Variants in CCDC7 observed in about 807,000 individuals in gnomAD.
The protein encoded by CCDC7 is coiled-coil domain-containing protein 7.
A neutral mutation model predicts 196.9 loss-of-function variants in CCDC7; 183 were observed. The ratio of observed to expected loss-of-function variants is 0.93; its 90% CI spans 0.82 to 1.05. The LOEUF is 1.05. Among genes scored for constraint, CCDC7 ranks in the 50% least tolerant of loss-of-function variants. The pLI is 0.00. For missense variants in CCDC7, 1,540 were observed against 1,482.2 expected, an observed-to-expected ratio of 1.04 and a Z score of -0.64; for synonymous variants, 525 against 484.6, an observed-to-expected ratio of 1.08 and a Z score of -1.10.
intron 3 of CCDC7, among the ~76,000 whole-genome samples, chr10:32,457,877 T>C (rs1326070925): frequency 6.6e-6 from 1 of 152,144 alleles, no homozygotes; most frequent in East Asian, 1.9e-4. Flanking sequence ...AAATCAGTTT[T>C]TTTTTGCCAT....
intron 20 of CCDC7, among the ~76,000 whole-genome samples, chr10:32,663,281 A>G (rs1490403534): frequency 4.6e-5 from 7 of 152,200 alleles, no homozygotes; most frequent in African/African-American, 1.2e-4. Context: ...TTCATCACAC[A>G]TGGAAAAATG....
chr10:32,634,999 T>C lies in CCDC7; in HGVS notation c.1913-58T>C, dbSNP rs532627714. 5.8e-5 allele frequency: 23 copies of C among 397,614 alleles called. No homozygotes were observed. In the Admixed American group the frequency reaches 7.9e-4, roughly 14 times the overall value. 24.6% of individuals were successfully genotyped at this position (397,614 alleles called of 1,614,324 possible). On this transcript the variant is annotated intron_variant, in intron 19 of 41. Coordinates refer to ENST00000639629, the Ensembl canonical transcript of CCDC7. ...TTAATTTTACACAAATGAGAGGAAGTATTGCTGATTACTTGACATATACAG... is the reference window on the plus strand; with the variant it reads ...TTAATTTTACACAAATGAGAGGAAGCATTGCTGATTACTTGACATATACAG...
chr10:32,508,629 A>ATT (rs937657234), intron 9 of CCDC7, among the ~76,000 whole-genome samples: 1 of 148,388 alleles, frequency 6.7e-6, no homozygotes, highest in African/African-American at 2.5e-5. Context: ...TTACTTTCTT[A>ATT]TTTTTTTTTT....
At chr10:32,482,366 TC>T (rs1384121323) in intron 8 of CCDC7, among the ~76,000 whole-genome samples, 1 of 148,720 alleles carries the variant, frequency 6.7e-6, no homozygotes, top group African/African-American at 2.4e-5. Flanking sequence ...ATTCTTTTTT[TC>T]CTAACTGTAT....
At chr10:32,698,949 GGAGA>G (rs1320316755) in intron 24 of CCDC7, among the ~76,000 whole-genome samples, 2 of 152,132 alleles carry the variant, frequency 1.3e-5, no homozygotes, top group Non-Finnish European at 2.9e-5. Context: ...AAGGGCAGCT[GGAGA>G]GAAAGTTCGG....
At chr10:32,850,895 A>G (rs2093538775) in intron 39 of CCDC7, among the ~76,000 whole-genome samples, 1 of 152,028 alleles carries the variant, frequency 6.6e-6, no homozygotes, top group African/African-American at 2.4e-5. Context: ...GCAGGGAGAA[A>G]CGAAGGCAAA....
intron 9 of CCDC7, chr10:32,511,820 G>T: frequency 1.1e-6 from 1 of 925,390 alleles, no homozygotes; most frequent in Non-Finnish European, 1.7e-6. Context: ...CGCCAGCTCT[G>T]CCCGCGCCAC....
chr10:32,739,771 C>T (rs2085502111), intron 28 of CCDC7, among the ~76,000 whole-genome samples: 1 of 151,566 alleles, frequency 6.6e-6, no homozygotes, highest in African/African-American at 2.4e-5. Context: ...AATATGGTTA[C>T]CTAGCTAGCA....
intron 28 of CCDC7, among the ~76,000 whole-genome samples, chr10:32,771,996 G>A (rs2079234772): frequency 6.6e-6 from 1 of 152,186 alleles, no homozygotes; most frequent in Non-Finnish European, 1.5e-5. Context: ...CCAGGGTGGG[G>A]TACTCTGATT....
At chr10:32,556,550 A>G (rs2054380801) in intron 13 of CCDC7, among the ~76,000 whole-genome samples, 1 of 152,190 alleles carries the variant, frequency 6.6e-6, no homozygotes, top group Non-Finnish European at 1.5e-5. Flanking sequence ...GTATTTGAAT[A>G]TTATGATTTC....
chr10:32,451,473 C>T (rs2033059833), upstream of CCDC7: 1 of 860,430 alleles, frequency 1.2e-6, no homozygotes, highest in Non-Finnish European at 1.6e-6. Flanking sequence ...ATCATAGCTT[C>T]CAGAAGTTGC....
chr10:32,753,828 AATTG>A (rs1017356493), intron 28 of CCDC7, among the ~76,000 whole-genome samples: 31 of 152,164 alleles, frequency 2.0e-4, no homozygotes, highest in Admixed American at 1.6e-3. Flanking sequence ...AAATGTTGAA[AATTG>A]ATTGAAAAAA....
intron 18 of CCDC7, among the ~76,000 whole-genome samples, chr10:32,592,393 T>G (rs2059862532): frequency 6.6e-6 from 1 of 152,126 alleles, no homozygotes; most frequent in Non-Finnish European, 1.5e-5. Context: ...TAGGTTGTCC[T>G]TTTTCTAGTT....
intron 29 of CCDC7, among the ~76,000 whole-genome samples, chr10:32,797,586 G>A (rs2095556): frequency 6.7e-6 from 1 of 148,768 alleles, no homozygotes; most frequent in East Asian, 2.0e-4. Context: ...TCTGATGGGC[G>A]CACCAAAATC....
chr10:32,549,695 G>C (rs1445447172), intron 13 of CCDC7, among the ~76,000 whole-genome samples: 2 of 152,020 alleles, frequency 1.3e-5, no homozygotes, highest in African/African-American at 4.8e-5. Flanking sequence ...TTATGTTTTT[G>C]TTTGCTTTGT....
chr10:32,524,243 T>A (rs774217988), intron 11 of CCDC7, among the ~76,000 whole-genome samples: 2 of 152,190 alleles, frequency 1.3e-5, no homozygotes, highest in Non-Finnish European at 2.9e-5. Flanking sequence ...ACTGATTGCA[T>A]GAACAGAATA....
At chr10:32,845,179 C>T in intron 33 of CCDC7, 64 bp from the exon 35 acceptor site, 1 of 948,878 alleles carries the variant, frequency 1.1e-6, no homozygotes. Context: ...TAAACACATA[C>T]ACATACTCAG....
chr10:32,876,381 C>G (rs750909779), exon 42 of CCDC7: 3 of 1,610,464 alleles, frequency 1.9e-6, no homozygotes, highest in South Asian at 2.2e-5. Flanking sequence ...CTGTACCACA[C>G]CCATACTTTT....
intron 11 of CCDC7, among the ~76,000 whole-genome samples, chr10:32,541,839 GCTGAAT>G (rs1223657170): frequency 1.3e-5 from 2 of 152,212 alleles, no homozygotes; most frequent in Admixed American, 6.5e-5. Flanking sequence ...CCTGTGGAGA[GCTGAAT>G]CCCCCTAGGG....
Sources: gnomAD v4.1 joint callset for allele counts (sites outside exome capture counted in the v4.1 genomes callset) on GRCh38, gnomAD v4.1.1 for gene constraint, MANE v1.5 for transcripts, NCBI Gene and HGNC (gene_info 2026-07-23, HGNC 2026-07-21) for gene names.